The following TTC6 variants were observed in gnomAD, a reference collection of about 807,000 sequenced individuals.
The protein encoded by TTC6 is tetratricopeptide repeat protein 6.
In TTC6, 172 loss-of-function variants were observed where a neutral mutation model predicts 210.4. The observed-to-expected ratio is 0.82, with a 90% CI of 0.72 to 0.93. The LOEUF (loss-of-function observed/expected upper bound fraction) is 0.93, where lower values mean the gene tolerates loss of function less well. TTC6 is among the 40% of genes least tolerant of loss of function. The pLI is 0.00. For synonymous variants in TTC6, 804 were observed against 819.6 expected (o/e 0.98, Z 0.32); for missense variants, 2,414 against 2,318.1 (o/e 1.04, Z -0.85).
intron 1 of TTC6, among the ~76,000 whole-genome samples, chr14:37,655,384 G>A (rs2095720342): frequency 6.6e-6 from 1 of 152,114 alleles, no homozygotes; most frequent in Admixed American, 6.5e-5. Flanking sequence ...CCAGCAGTTT[G>A]AGAATAAAAC....
At chr14:37,627,673 T>C (rs2095662664) in intron 1 of TTC6, among the ~76,000 whole-genome samples, 1 of 152,248 alleles carries the variant, frequency 6.6e-6, no homozygotes, top group South Asian at 2.1e-4. Flanking sequence ...ATGGTGTATA[T>C]GTGCCACATT....
chr14:37,839,964 G>A (rs2096206310), intron 29 of TTC6, among the ~76,000 whole-genome samples: 1 of 152,114 alleles, frequency 6.6e-6, no homozygotes, highest in Non-Finnish European at 1.5e-5. Flanking sequence ...TTGTACATGT[G>A]TGGTGTTATT....
In TTC6 at chr14:37,670,065, A is replaced by G. The variant is rs552612688; in HGVS notation, c.940-10086A>G. Among the ~76,000 whole-genome samples, 4 of 152,322 alleles carry G rather than the reference A, an allele frequency of 2.6e-5. No individual in the cohort carries two copies. In the South Asian group the frequency reaches 8.3e-4, roughly 32 times the overall value. On this transcript the variant is annotated intron_variant, in intron 1 of 30. Coordinates refer to ENST00000553443, the Ensembl canonical transcript of TTC6. The stretch of plus-strand genomic sequence containing the variant: ...AGGTGATATGAATCAATCACTCTTC[A>G]TCTTAATTAGGGAAGGTATATGTAT...
intron 1 of TTC6, among the ~76,000 whole-genome samples, chr14:37,647,994 A>G (rs2139408607): frequency 6.6e-6 from 1 of 152,296 alleles, no homozygotes; most frequent in East Asian, 1.9e-4. Context: ...CCATAGCGTT[A>G]TAACTATAAT....
chr14:37,790,767 A>G, exon 16 of TTC6: 1 of 1,534,758 alleles, frequency 6.5e-7, no homozygotes, highest in South Asian at 1.2e-5. Flanking sequence ...ACATCGGGGA[A>G]TAGTCTATGC....
chr14:37,817,674 A>C, intron 26 of TTC6, 23 bp downstream of exon 28: 1 of 1,607,780 alleles, frequency 6.2e-7, no homozygotes, highest in Non-Finnish European at 8.5e-7. Flanking sequence ...ATTGATGTCA[A>C]AGTGGAATCA....
chr14:37,617,037 C>T (rs761730770), intron 2 of TTC6, among the ~76,000 whole-genome samples: 24 of 151,918 alleles, frequency 1.6e-4, no homozygotes, highest in African/African-American at 2.2e-4. Context: ...CCAACATGCC[C>T]GGTTAATTTT....
intron 14 of TTC6, among the ~76,000 whole-genome samples, chr14:37,770,892 C>T (rs2096016113): frequency 6.7e-6 from 1 of 148,804 alleles, no homozygotes; most frequent in Non-Finnish European, 1.5e-5. Context: ...CAGTTTCTTC[C>T]TAGTCTCGAT....
intron 1 of TTC6, among the ~76,000 whole-genome samples, chr14:37,661,584 A>C (rs975244560): frequency 6.6e-6 from 1 of 152,106 alleles, no homozygotes; most frequent in African/African-American, 2.4e-5. Context: ...CTTATAGTAT[A>C]GTTTGAAGTC....
chr14:37,654,070 G>A (rs2095717558), intron 1 of TTC6, among the ~76,000 whole-genome samples: 1 of 151,746 alleles, frequency 6.6e-6, no homozygotes, highest in Non-Finnish European at 1.5e-5. Context: ...TTCTATAGAT[G>A]CTTAATATAG....
chr14:37,649,625 T>C (rs770433033), intron 1 of TTC6, among the ~76,000 whole-genome samples: 3 of 152,250 alleles, frequency 2.0e-5, no homozygotes, highest in Non-Finnish European at 4.4e-5. Flanking sequence ...TGTAACTTTA[T>C]GCTCTGCGGT....
exon 27 of TTC6, chr14:37,823,852 C>T (rs773881100): frequency 9.3e-6 from 15 of 1,613,788 alleles, no homozygotes; most frequent in Admixed American, 3.3e-5. Context: ...ACATGGAATA[C>T]GGTCATGATG....
At chr14:37,689,092 T>C (rs1312173804) in intron 3 of TTC6, among the ~76,000 whole-genome samples, 1 of 152,030 alleles carries the variant, frequency 6.6e-6, no homozygotes, top group East Asian at 1.9e-4. Flanking sequence ...TTCAGAATTC[T>C]ATCTTAGAAA....
chr14:37,779,580 A>G (rs555144662), intron 14 of TTC6, among the ~76,000 whole-genome samples: 3 of 152,314 alleles, frequency 2.0e-5, no homozygotes, highest in African/African-American at 7.2e-5. Context: ...TTTCTTAGAA[A>G]CATGTCCTTT....
chr14:37,636,150 T>C lies in TTC6; in HGVS notation c.939+13147T>C, dbSNP rs926062417. Among the ~76,000 whole-genome samples, 6 of 152,180 alleles carry C rather than the reference T, an allele frequency of 3.9e-5. No individual in the cohort carries two copies. In the East Asian group the frequency reaches 1.2e-3, roughly 29 times the overall value. On this transcript the variant is annotated intron_variant, in intron 1 of 30. Transcript: ENST00000553443. ...GTGAAGTAAAAACTGGAAGGAGAGA[T>C]AGACGAATTGAAAATTATAGTTAAA...
intron 1 of TTC6, among the ~76,000 whole-genome samples, chr14:37,672,820 C>CTTTTTTTTTTTTTTTTTTTT (rs2095760882): frequency 1.7e-5 from 2 of 118,910 alleles, no homozygotes; most frequent in African/African-American, 7.1e-5. Context: ...ATGAATTCCT[C>CTTTTTTTTTTTTTTTTTTTT]ATTTTTTTTT....
rs532690678 is a variant in TTC6, at chr14:37,670,474, C to CCTTTTTTTTTTTT, written c.940-9677_940-9676insCTTTTTTTTTTTT. Among the ~76,000 whole-genome samples the CCTTTTTTTTTTTT allele has an allele frequency of 2.1e-3, 250 of 121,296 alleles. 13 individuals are homozygous for CCTTTTTTTTTTTT. The highest frequency in any genetic ancestry group is 2.4e-3 in the Non-Finnish European group (140 of 59,516). The allele number at this position is 121,296 out of a possible 152,430, so 79.6% of individuals were successfully genotyped here. ...TAAGGATCTAGCACAAACTACCTCA[C>CCTTTTTTTTTTTT]TTTTTTTTTTTTTTTTTTTTTAGTC... On this transcript the variant is annotated intron_variant, in intron 1 of 30. Coordinates refer to ENST00000553443, the Ensembl canonical transcript of TTC6.
chr14:37,811,944 A>G (rs1434350594), intron 24 of TTC6, among the ~76,000 whole-genome samples: 1 of 152,184 alleles, frequency 6.6e-6, no homozygotes, highest in Non-Finnish European at 1.5e-5. Flanking sequence ...AAACAATACA[A>G]CACTAAAAAG....
intron 6 of TTC6, 130 bp downstream of exon 8, chr14:37,714,926 C>T: frequency 1.2e-6 from 1 of 828,110 alleles, no homozygotes; most frequent in Non-Finnish European, 1.8e-6. Flanking sequence ...GCCTGTAATC[C>T]CAGAACTTTG....
Sources: gnomAD v4.1 joint callset for allele counts (sites outside exome capture counted in the v4.1 genomes callset) on GRCh38, gnomAD v4.1.1 for gene constraint, MANE v1.5 for transcripts, NCBI Gene and HGNC (gene_info 2026-07-23, HGNC 2026-07-21) for gene names.